Variants in LHPP observed in about 807,000 individuals in gnomAD.
LHPP encodes the protein phospholysine phosphohistidine inorganic pyrophosphate phosphatase, also known as hLHPP.
A neutral mutation model predicts 30.3 loss-of-function variants in LHPP; 24 were observed. That is an observed-to-expected ratio of 0.79 (90% CI 0.57 to 1.11). The LOEUF (loss-of-function observed/expected upper bound fraction) is 1.11. Among genes scored for constraint, LHPP ranks in the 50% most tolerant of loss-of-function variants. The pLI is 0.00. For synonymous variants in LHPP, 150 were observed against 157.1 expected (o/e 0.95, Z 0.34); for missense variants, 356 against 367.2 (o/e 0.97, Z 0.25).
At chr10:124,518,452 C>T (rs1190607972) in intron 6 of LHPP, among the ~76,000 whole-genome samples, 8 of 152,224 alleles carry the variant, frequency 5.3e-5, no homozygotes, top group African/African-American at 1.7e-4. Context: ...AGGGGCTCTC[C>T]GCTGACAGCG....
intron 1 of LHPP, among the ~76,000 whole-genome samples, chr10:124,464,826 C>T (rs1458395542): frequency 1.3e-5 from 2 of 152,160 alleles, no homozygotes; most frequent in African/African-American, 2.4e-5. Flanking sequence ...ACCAGTGGTT[C>T]CACTTCTGAG....
chr10:124,605,220 G>C (rs1025933556), intron 6 of LHPP: 4 of 152,338 alleles, frequency 2.6e-5, no homozygotes, highest in African/African-American at 4.8e-5. Flanking sequence ...CAGAGCATGA[G>C]GGGGAGGAAT....
In LHPP at chr10:124,507,084, G is replaced by GAGGC. The variant is rs112882031; in HGVS notation, c.624+8956_624+8957insAGGC. Among the ~76,000 whole-genome samples the GAGGC allele has an allele frequency of 2.5e-4, 2 of 8,030 alleles. 1 individual carries two copies. The highest frequency in any genetic ancestry group is 2.5e-3 in the African/African-American group (2 of 800). 5.3% of individuals were successfully genotyped at this position (8,030 alleles called of 152,430 possible). On this transcript the variant is annotated intron_variant, in intron 5 of 6. Coordinates refer to ENST00000368842, the MANE Select transcript of LHPP (RefSeq NM_022126.4). ...TGTAGGGGTAGACAGGATTTCAGGT[G>GAGGC]GGGGGGTAGGGAGGATTTCAGGTGC... is the stretch of plus-strand genomic sequence containing the variant.
intron 6 of LHPP, among the ~76,000 whole-genome samples, chr10:124,561,814 C>T (rs1195217383): frequency 1.3e-5 from 2 of 152,114 alleles, no homozygotes; most frequent in African/African-American, 2.4e-5. Context: ...AAATGTCCAG[C>T]TTGTGGTACA....
chr10:124,571,748 C>G (rs1279449559), intron 6 of LHPP, among the ~76,000 whole-genome samples: 1 of 152,198 alleles, frequency 6.6e-6, no homozygotes, highest in Non-Finnish European at 1.5e-5. Flanking sequence ...GCCAGCACCA[C>G]GCTGGTCCTC....
rs1564789093 is a variant in LHPP, at chr10:124,496,818, C to G, written c.468-143C>G. The G allele has an allele frequency of 2.9e-6, 2 of 700,032 alleles. No homozygotes were observed. The highest frequency in any genetic ancestry group is 4.9e-6 in the Non-Finnish European group (2 of 410,012). The allele number at this position is 700,032 out of a possible 1,614,324, so 43.4% of individuals were successfully genotyped here. A position where few individuals can be genotyped will look rare whatever the true frequency, so the allele number is the denominator to read the frequency against. On this transcript the variant is annotated intron_variant, in intron 3 of 6. Transcript: ENST00000368842. This position sits in a 1 kb window ranked among gnomAD's most constrained non-coding sequence, Gnocchi z 4.3. ...GGTGCTGGTCCCCTGCGGTCATTCT[C>G]AGCGTAGCGCCTGGACTGCCCCTCA...
chr10:124,597,818 G>A (rs1469809688), intron 6 of LHPP, among the ~76,000 whole-genome samples: 1 of 152,226 alleles, frequency 6.6e-6, no homozygotes, highest in African/African-American at 2.4e-5. Flanking sequence ...GCACTGGGAG[G>A]GACGGAGTCA....
rs1589742398 is a variant in LHPP at position 124,461,996 on chromosome 10, G to A, written c.125+9G>A. 2 of 1,209,792 alleles carry A rather than the reference G, an allele frequency of 1.7e-6. No individual in the cohort carries two copies. Among genetic ancestry groups the A allele is most frequent in the East Asian group, 6.8e-5 (2 of 29,500 alleles). The allele number at this position is 1,209,792 out of a possible 1,614,324, so 74.9% of individuals were successfully genotyped here. ...GTGGAGGCGGTGGCCAGGTGAGTGG[G>A]CCCCGGGACGCCGCTGGGGCCGCCG... On this transcript the variant is annotated intron_variant, in intron 1 of 6. Transcript: ENST00000368842.
chr10:124,530,354 C>A (rs1426844018), intron 6 of LHPP, among the ~76,000 whole-genome samples: 1 of 152,132 alleles, frequency 6.6e-6, no homozygotes, highest in Admixed American at 6.5e-5. Context: ...CTGCTGGAGC[C>A]AGGGCCGATG....
At chr10:124,515,855 T>G (rs781088708) in intron 5 of LHPP, among the ~76,000 whole-genome samples, 1 of 152,232 alleles carries the variant, frequency 6.6e-6, no homozygotes, top group Non-Finnish European at 1.5e-5. Context: ...TTATTTGGTG[T>G]GATTCTTTCC....
intron 2 of LHPP, among the ~76,000 whole-genome samples, chr10:124,488,047 G>A (rs1359799948): frequency 6.6e-6 from 1 of 152,138 alleles, no homozygotes; most frequent in African/African-American, 2.4e-5. Flanking sequence ...TCCAAGGCTT[G>A]TGCAGCCCCA....
chr10:124,498,318 A>G, intron 5 of LHPP, 190 bp downstream of exon 5: 1 of 1,577,706 alleles, frequency 6.3e-7, no homozygotes, highest in Non-Finnish European at 8.6e-7. Flanking sequence ...GAATAGTTTC[A>G]ACCGTGAAGT....
intron 6 of LHPP, among the ~76,000 whole-genome samples, chr10:124,579,096 CAAG>C (rs1204368673): frequency 6.6e-6 from 1 of 152,228 alleles, no homozygotes; most frequent in Non-Finnish European, 1.5e-5. Context: ...CGGTTACCAG[CAAG>C]CAGATACATG....
chr10:124,559,628 C>T (rs1253517848), intron 6 of LHPP, among the ~76,000 whole-genome samples: 4 of 152,286 alleles, frequency 2.6e-5, no homozygotes, highest in Non-Finnish European at 5.9e-5. Context: ...AATCCGGCTG[C>T]CCGAGGCTGG....
At chr10:124,559,654 G>A (rs146706516) in intron 6 of LHPP, among the ~76,000 whole-genome samples, 7 of 152,396 alleles carry the variant, frequency 4.6e-5, no homozygotes, top group Admixed American at 2.6e-4. Context: ...GTCTTGCTGC[G>A]TATGTCACGT....
At chr10:124,582,757 C>T (rs1330611930) in intron 6 of LHPP, among the ~76,000 whole-genome samples, 2 of 151,826 alleles carry the variant, frequency 1.3e-5, no homozygotes, top group Non-Finnish European at 2.9e-5. Flanking sequence ...GTAATCCCAG[C>T]ACTTTAGGAG....
At chr10:124,587,738 T>TAAAAAAAA (rs747954796) in intron 6 of LHPP, among the ~76,000 whole-genome samples, 77 of 52,990 alleles carry the variant, frequency 1.5e-3, no homozygotes, top group East Asian at 3.7e-3. Context: ...AGACTCCATC[T>TAAAAAAAA]AAAAAAAAAA....
At chr10:124,506,459 G>A (rs535463717) in intron 5 of LHPP, among the ~76,000 whole-genome samples, 1 of 151,872 alleles carries the variant, frequency 6.6e-6, no homozygotes, top group South Asian at 2.1e-4. Context: ...GCCCTGGGGA[G>A]AACCGCAGCA....
rs1369078395 is a variant in LHPP at position 124,570,948 on chromosome 10, G to A, written c.717-42316G>A. On this transcript the variant is annotated intron_variant, in intron 6 of 6. Coordinates refer to ENST00000368842, the MANE Select transcript of LHPP (RefSeq NM_022126.4). The stretch of plus-strand genomic sequence containing the variant: ...ATCTCGTCTCGAATTCCCATGTGTT[G>A]TGGGAGGTAATTGAATCACGGGGGC... 2.0e-5 allele frequency among the ~76,000 whole-genome samples: 3 copies of A among 152,220 alleles called. No homozygotes were observed. The East Asian group carries it at 5.8e-4, about 29-fold the overall frequency.
Sources: allele counts gnomAD v4.1 joint callset (sites outside exome capture counted in the v4.1 genomes callset), GRCh38; gene constraint gnomAD v4.1.1; non-coding constraint Gnocchi (gnomAD v3.1); transcripts MANE v1.5; gene names NCBI Gene and HGNC (gene_info 2026-07-23, HGNC 2026-07-21).